Variants in RGS9 observed in about 807,000 individuals in gnomAD.
The protein encoded by RGS9 is regulator of G-protein signalling 9.
A neutral mutation model predicts 102.0 loss-of-function variants in RGS9; 78 were observed. The observed-to-expected ratio is 0.76, with a 90% confidence interval of 0.64 to 0.92. RGS9 has a LOEUF of 0.92. Ranked by LOEUF, RGS9 falls within the 40% of genes least tolerant of loss-of-function variation. The pLI is 0.00. For missense variants in RGS9, 833 were observed against 866.1 expected (o/e 0.96, Z 0.48); for synonymous variants, 353 against 318.6 (o/e 1.11, Z -1.15).
At chr17:65,147,336 C>G (rs897192003) in intron 1 of RGS9, among the ~76,000 whole-genome samples, 193 of 152,302 alleles carry the variant, frequency 1.3e-3, no homozygotes, top group African/African-American at 4.0e-3. Context: ...AGCTGTGTAC[C>G]TGCCCTTGGC....
chr17:65,138,341 G>T (rs866069195), intron 1 of RGS9, among the ~76,000 whole-genome samples: 1 of 152,128 alleles, frequency 6.6e-6, no homozygotes, highest in Non-Finnish European at 1.5e-5. Context: ...CCTCCCACCC[G>T]TAGCCACTTT....
At chr17:65,157,203 C>CT (rs1419981444) in intron 2 of RGS9, among the ~76,000 whole-genome samples, 3 of 152,198 alleles carry the variant, frequency 2.0e-5, no homozygotes, top group African/African-American at 7.2e-5. Flanking sequence ...TGCAGACAGG[C>CT]TTCCAGCTTG....
At chr17:65,178,106 A>G (rs1911717323) in intron 9 of RGS9, among the ~76,000 whole-genome samples, 1 of 152,158 alleles carries the variant, frequency 6.6e-6, no homozygotes, top group Non-Finnish European at 1.5e-5. Flanking sequence ...CGAAAATCTG[A>G]TGAAAGTTAT....
intron 9 of RGS9, among the ~76,000 whole-genome samples, chr17:65,182,117 T>C (rs1378700556): frequency 6.6e-6 from 1 of 152,198 alleles, no homozygotes; most frequent in Non-Finnish European, 1.5e-5. Flanking sequence ...CAGTCTACAC[T>C]GGCGAGTATA....
intron 1 of RGS9, among the ~76,000 whole-genome samples, chr17:65,144,197 A>G (rs942228879): frequency 2.6e-5 from 4 of 152,098 alleles, no homozygotes; most frequent in Admixed American, 6.5e-5. Context: ...TAGAAAAACA[A>G]CTCTGCGGTT....
intron 2 of RGS9, among the ~76,000 whole-genome samples, chr17:65,157,106 A>G (rs565538919): frequency 3.3e-5 from 5 of 149,654 alleles, no homozygotes; most frequent in African/African-American, 1.2e-4. Flanking sequence ...GGGAAGTATC[A>G]TTGGCAATTA....
intron 2 of RGS9, among the ~76,000 whole-genome samples, chr17:65,155,388 T>A (rs753627069): frequency 6.6e-6 from 1 of 152,248 alleles, no homozygotes; most frequent in Non-Finnish European, 1.5e-5. Flanking sequence ...GAGCTGTGTT[T>A]GTAACAGATG....
chr17:65,227,152 C>T (rs373438839), intron 18 of RGS9, 123 bp from the exon 19 acceptor site: 40 of 1,335,142 alleles, frequency 3.0e-5, no homozygotes, highest in Non-Finnish European at 4.0e-5. Flanking sequence ...ATACCTGCCC[C>T]CACCACAGTC....
intron 17 of RGS9, among the ~76,000 whole-genome samples, chr17:65,221,846 A>T (rs1359327413): frequency 6.6e-6 from 1 of 152,166 alleles, no homozygotes; most frequent in East Asian, 1.9e-4. Flanking sequence ...TTTCATAAGG[A>T]TACTGATCCT....
chr17:65,165,920 G>A (rs1911162310), intron 7 of RGS9, among the ~76,000 whole-genome samples: 1 of 152,150 alleles, frequency 6.6e-6, no homozygotes, highest in Non-Finnish European at 1.5e-5. Flanking sequence ...GATTTCTATA[G>A]GTTAGGGATT....
intron 18 of RGS9, 136 bp from the exon 19 acceptor site, chr17:65,227,139 G>C (rs867950246): frequency 1.8e-6 from 2 of 1,126,096 alleles, no homozygotes; most frequent in Middle Eastern, 4.1e-4. Context: ...CTACCCCTGA[G>C]CTATACCTGC....
At chr17:65,171,113 T>C (rs2144021686) in intron 8 of RGS9, among the ~76,000 whole-genome samples, 1 of 152,304 alleles carries the variant, frequency 6.6e-6, no homozygotes, top group East Asian at 1.9e-4. Context: ...TGTCAGACTG[T>C]AACCAACAGT....
At chr17:65,161,415 C>A (rs1018476766) in intron 6 of RGS9, among the ~76,000 whole-genome samples, 4 of 152,070 alleles carry the variant, frequency 2.6e-5, no homozygotes, top group African/African-American at 9.7e-5. Flanking sequence ...CCACGCCTGG[C>A]TAATTTTTGT....
chr17:65,187,806 G>C (rs1334952326), intron 9 of RGS9, among the ~76,000 whole-genome samples: 1 of 152,182 alleles, frequency 6.6e-6, no homozygotes, highest in African/African-American at 2.4e-5. Flanking sequence ...AGTGATCCTG[G>C]CCAACATGGT....
Position 65,215,489 on chromosome 17 carries a change from GTTCTTTCGTTCTTTCTTTCT to G in RGS9, c.1407+4892_1407+4911del, listed in dbSNP as rs1316501455. Among the ~76,000 whole-genome samples the G allele has an allele frequency of 2.8e-3, 329 of 116,186 alleles. 7 individuals carry two copies. The highest frequency in any genetic ancestry group is 0.013 in the Admixed American group (153 of 11,562). The allele number at this position is 116,186 out of a possible 152,430, so 76.2% of individuals were successfully genotyped here. On this transcript the variant is annotated intron_variant, in intron 17 of 18. Transcript: ENST00000262406. ...TTCTTTCTTTCTCTATCTTTCTTTCGTTCTTTCGTTCTTTCTTTCTTTCTTTCTTTCTTTCTTTCTTTCTT... is the reference window on the plus strand; with the variant it reads ...TTCTTTCTTTCTCTATCTTTCTTTCGTTCTTTCTTTCTTTCTTTCTTTCTT...
intron 9 of RGS9, among the ~76,000 whole-genome samples, chr17:65,187,467 T>C (rs1459519932): frequency 2.0e-5 from 3 of 152,164 alleles, no homozygotes; most frequent in East Asian, 3.9e-4. Flanking sequence ...AAAGCAATGA[T>C]AGAAGAGCAA....
chr17:65,197,060 C>G, intron 12 of RGS9, 66 bp from the exon 13 acceptor site: 1 of 1,158,590 alleles, frequency 8.6e-7, no homozygotes, highest in South Asian at 1.3e-5. Context: ...AGGCCCTCAC[C>G]CCAACCCAGG....
At chr17:65,219,324 G>T (rs368980375) in intron 17 of RGS9, among the ~76,000 whole-genome samples, 1 of 152,218 alleles carries the variant, frequency 6.6e-6, no homozygotes, top group South Asian at 2.1e-4. Context: ...GGTTCTGAGG[G>T]CTTGCAAGCA....
chr17:65,168,320 G>C, intron 8 of RGS9, 39 bp downstream of exon 8: 1 of 1,418,400 alleles, frequency 7.1e-7, no homozygotes, highest in Non-Finnish European at 9.9e-7. Flanking sequence ...GTCTCTTCCT[G>C]TGCCTCCCAC....
Sources: allele counts gnomAD v4.1 joint callset (sites outside exome capture counted in the v4.1 genomes callset), GRCh38; gene constraint gnomAD v4.1.1; transcripts MANE v1.5; gene names NCBI Gene and HGNC (gene_info 2026-07-23, HGNC 2026-07-21).